FBRSL1: variants seen among roughly 807,000 people sequenced by gnomAD.
The protein encoded by FBRSL1 is fibrosin-1-like protein.
Under a neutral mutation model 89.6 loss-of-function variants are expected in FBRSL1, and 51 were observed. The observed-to-expected ratio is 0.57, with a 90% CI of 0.45 to 0.72. FBRSL1 has a LOEUF of 0.72. FBRSL1 is among the 30% of genes least tolerant of loss of function. The pLI, the probability that FBRSL1 is intolerant of heterozygous loss-of-function variation, is 0.00. For synonymous variants in FBRSL1, 779 were observed against 681.1 expected (o/e 1.14, Z -2.24); for missense variants, 1,618 against 1,451.8 (o/e 1.11, Z -1.86).
chr12:132,562,405 T>C (rs1289205105), intron 5 of FBRSL1, among the ~76,000 whole-genome samples: 2 of 151,646 alleles, frequency 1.3e-5, no homozygotes, highest in African/African-American at 4.9e-5. Flanking sequence ...GGTGCCGGGG[T>C]CTCCTAGCTT....
chr12:132,504,263 G>A (rs899432115), intron 1 of FBRSL1, among the ~76,000 whole-genome samples: 1 of 152,192 alleles, frequency 6.6e-6, no homozygotes, highest in Non-Finnish European at 1.5e-5. Context: ...GGCTCTGTGT[G>A]TGCTGAGGTA....
intron 2 of FBRSL1, among the ~76,000 whole-genome samples, chr12:132,521,755 A>T (rs1250113796): frequency 1.3e-5 from 2 of 152,072 alleles, no homozygotes; most frequent in Non-Finnish European, 2.9e-5. Flanking sequence ...TGCCATTCCC[A>T]CCGTGCCGTA....
At chr12:132,527,587 C>T (rs964947499) in intron 3 of FBRSL1, among the ~76,000 whole-genome samples, 7 of 151,086 alleles carry the variant, frequency 4.6e-5, no homozygotes, top group Non-Finnish European at 7.4e-5. Context: ...TTGAGGGCTG[C>T]GGGGCTGCGG....
intron 4 of FBRSL1, among the ~76,000 whole-genome samples, chr12:132,536,891 A>G (rs192448140): frequency 2.0e-5 from 3 of 152,140 alleles, no homozygotes; most frequent in African/African-American, 7.2e-5. Flanking sequence ...GGCTGTGCAC[A>G]TGTGTGTACG....
At chr12:132,564,551 A>G (rs557498450) in intron 5 of FBRSL1, among the ~76,000 whole-genome samples, 50,063 of 109,064 alleles carry the variant, frequency 0.46, 10,816 homozygotes, top group East Asian at 0.83. Context: ...GCTGGAGTCC[A>G]GTGGTACGAT....
In FBRSL1 at chr12:132,581,433, C is replaced by T; in HGVS notation, c.1835-6C>T. ...GGCTTCTGTCAAACCTGGCTGCCCC[C>T]CCCAGGTGCCGCCCATCCTGCCTCC... On this transcript the variant is annotated splice_polypyrimidine_tract_variant and splice_region_variant and intron_variant, in intron 15 of 18. Coordinates refer to ENST00000680143, the MANE Select transcript of FBRSL1 (RefSeq NM_001367871.1). 2.6e-6 allele frequency: 4 copies of T among 1,550,954 alleles called. No homozygotes were observed. Among genetic ancestry groups the T allele is most frequent in the Non-Finnish European group, 3.5e-6 (4 of 1,146,924 alleles).
intron 4 of FBRSL1, among the ~76,000 whole-genome samples, chr12:132,535,132 G>A (rs1477864311): frequency 2.0e-5 from 3 of 152,246 alleles, no homozygotes; most frequent in Non-Finnish European, 2.9e-5. Flanking sequence ...ACGGGGGTTA[G>A]GAATTAATGT....
rs2032630936 is a variant in FBRSL1 at position 132,499,579 on chromosome 12, A to G, written c.292-8574A>G. The stretch of plus-strand genomic sequence containing the variant: ...CACGAGGGCTTCTGGGGAAGAGTGC[A>G]GGCTGTGAGGGGCAGCACCGTGGCG... On this transcript the variant is annotated intron_variant, in intron 1 of 18. Transcript: ENST00000680143. The surrounding 1 kb of genome is among the most constrained non-coding windows in gnomAD (Gnocchi z 4.3). Among the ~76,000 whole-genome samples, 1 of 152,082 alleles carries G rather than the reference A, an allele frequency of 6.6e-6. No homozygotes were observed.
chr12:132,569,450 T>TG (rs1166820673), intron 6 of FBRSL1, among the ~76,000 whole-genome samples: 1 of 151,782 alleles, frequency 6.6e-6, no homozygotes, highest in Admixed American at 6.5e-5. Flanking sequence ...GCTGTTGGGG[T>TG]GGGGCAGACC....
At chr12:132,511,990 C>T (rs1197668402) in intron 2 of FBRSL1, 1 of 985,506 alleles carries the variant, frequency 1.0e-6, no homozygotes. Context: ...GAGCATGTGT[C>T]TTACGTGATT....
intron 5 of FBRSL1, among the ~76,000 whole-genome samples, chr12:132,564,843 A>G (rs527269940): frequency 1.3e-5 from 2 of 151,156 alleles, no homozygotes; most frequent in African/African-American, 2.4e-5. Context: ...GTTGGCCAGG[A>G]TGGTCTCGAT....
intron 4 of FBRSL1, among the ~76,000 whole-genome samples, chr12:132,537,133 A>T (rs2036831695): frequency 6.6e-6 from 1 of 152,122 alleles, no homozygotes. Flanking sequence ...GCTCGACAGG[A>T]TGTGAGGGCA....
intron 2 of FBRSL1, among the ~76,000 whole-genome samples, chr12:132,514,386 G>T (rs145564630): frequency 6.0e-4 from 92 of 152,332 alleles, no homozygotes; most frequent in African/African-American, 2.1e-3. Flanking sequence ...CCTCCCTGGC[G>T]TCTTCCCAGG....
intron 1 of FBRSL1, among the ~76,000 whole-genome samples, chr12:132,501,518 C>G (rs991550712): frequency 6.6e-6 from 1 of 152,148 alleles, no homozygotes; most frequent in Admixed American, 6.5e-5. Context: ...AAGCCCAGCC[C>G]CAGTGGTTGG....
In FBRSL1 at chr12:132,583,207, A is replaced by T; in HGVS notation, c.2438A>T (p.Lys813Met). 7.0e-7 allele frequency: 1 copy of T among 1,436,298 alleles called. No individual in the cohort carries two copies. 89.0% of individuals were successfully genotyped at this position (1,436,298 alleles called of 1,614,324 possible). Residue 813 changes from lysine to methionine, a missense_variant, in exon 19 of 19, where the codon AAG (lysine) becomes ATG (methionine). Lys to Met is a moderately conservative substitution (Grantham distance 95, BLOSUM62 -1). Transcript: ENST00000680143. ...AGCAAGGCGGCCCCTGGAGACGTGA[A>T]GGTCAAGGAGGAGCGCGGGGAGGAC... is the stretch of plus-strand genomic sequence containing the variant. ...PHSKAAPGDV[K>M]VKEERGEDEA...
In FBRSL1 at chr12:132,583,083, G is replaced by T. The variant is rs949783312; in HGVS notation, c.2314G>T (p.Ala772Ser). 2.1e-6 allele frequency: 3 copies of T among 1,445,764 alleles called. No homozygotes were observed. The highest frequency in any genetic ancestry group is 1.5e-5 in the African/African-American group (1 of 67,084). The allele number at this position is 1,445,764 out of a possible 1,614,324, so 89.6% of individuals were successfully genotyped here. ...RAQSELGRSG[A>S]PAEREAEPRV... Reference sequence around the variant, plus strand: ...CCAGAGCGAGCTGGGCCGGTCCGGGGCCCCCGCGGAGCGCGAGGCCGAACC... The same window carrying T: ...CCAGAGCGAGCTGGGCCGGTCCGGGTCCCCCGCGGAGCGCGAGGCCGAACC... The change falls in exon 19 of 19, where the codon GCC becomes TCC. Residue 772 changes from alanine (A) to serine (S), a missense_variant. Transcript: ENST00000680143.
chr12:132,525,348 G>A (rs1246854049), intron 2 of FBRSL1, among the ~76,000 whole-genome samples: 7 of 152,166 alleles, frequency 4.6e-5, no homozygotes, highest in African/African-American at 1.7e-4. Flanking sequence ...GGCCCTGCCT[G>A]TGGTCCCTAG....
chr12:132,524,032 C>A (rs1398032430), intron 2 of FBRSL1, among the ~76,000 whole-genome samples: 1 of 152,226 alleles, frequency 6.6e-6, no homozygotes, highest in African/African-American at 2.4e-5. Flanking sequence ...TGGAAGGTGC[C>A]GGCCCCGGGC....
At chr12:132,530,992 T>TGTG (rs1555272313) in intron 4 of FBRSL1, among the ~76,000 whole-genome samples, 1 of 17,590 alleles carries the variant, frequency 5.7e-5, no homozygotes, top group African/African-American at 2.2e-4. Flanking sequence ...TTGTGTCCAG[T>TGTG]GTGGGGGGGG....
Sources: gnomAD v4.1 joint callset for allele counts (sites outside exome capture counted in the v4.1 genomes callset) on GRCh38, gnomAD v4.1.1 for gene constraint, Gnocchi (gnomAD v3.1) non-coding constraint, MANE v1.5 for transcripts, NCBI Gene and HGNC (gene_info 2026-07-23, HGNC 2026-07-21) for gene names.